Variants in CAMK4 observed in about 807,000 individuals in gnomAD.
CAMK4 encodes calcium/calmodulin-dependent protein kinase type IV.
In CAMK4, 22 loss-of-function variants were observed where a neutral mutation model predicts 44.9. The observed-to-expected ratio is 0.49, with a 90% CI of 0.35 to 0.70. The LOEUF is 0.70. CAMK4 is among the 30% of genes least tolerant of loss of function. The pLI, the probability that CAMK4 is intolerant of heterozygous loss-of-function variation, is 0.01. For synonymous variants in CAMK4, 218 were observed against 215.4 expected (o/e 1.01, Z -0.11); for missense variants, 498 against 586.8 (o/e 0.85, Z 1.56).
chr5:111,324,594 C>G (rs1477736770), intron 1 of CAMK4, among the ~76,000 whole-genome samples: 4 of 151,876 alleles, frequency 2.6e-5, no homozygotes, highest in Non-Finnish European at 5.9e-5. Context: ...AAAATAGATT[C>G]ACAAAGCTAG....
Position 111,491,633 on chromosome 5 carries a change from G to C in CAMK4, c.*7167G>C, listed in dbSNP as rs1404022081. ...AAAAGAAATTTAGAGTATGAATTGA[G>C]TTGGTTGAGAGTAGAATTAAAAAGA... On this transcript the variant is annotated 3_prime_UTR_variant, in exon 11 of 11. Transcript: ENST00000282356. 6.6e-6 allele frequency: 1 copy of C among 152,154 alleles called. No homozygotes were observed. Among genetic ancestry groups the C allele is most frequent in the Admixed American group, 6.5e-5 (1 of 15,272 alleles). The allele number at this position is 152,154 out of a possible 1,614,324, so 9.4% of individuals were successfully genotyped here. A position where few individuals can be genotyped will look rare whatever the true frequency, so the allele number is the denominator to read the frequency against.
intron 1 of CAMK4, among the ~76,000 whole-genome samples, chr5:111,329,067 T>C (rs1417177293): frequency 5.9e-5 from 9 of 151,840 alleles, no homozygotes; most frequent in Admixed American, 5.3e-4. Context: ...GCAAGGCTGG[T>C]TCAACATATG....
rs114647185 is a variant in CAMK4 at position 111,290,802 on chromosome 5, A to G, written c.162-53222A>G. On this transcript the variant is annotated intron_variant, in intron 1 of 10. Coordinates refer to ENST00000282356, the MANE Select transcript of CAMK4 (RefSeq NM_001744.6). This position sits in a 1 kb window ranked among gnomAD's most constrained non-coding sequence, Gnocchi z 4.5. ...AAGGTGTCAAGGGTCCCCTACTAAT[A>G]CCTGGGGAGTAGAAAATCACACGTC... is the stretch of plus-strand genomic sequence containing the variant. Among the ~76,000 whole-genome samples the G allele has an allele frequency of 3.6e-3, 548 of 152,252 alleles. 5 individuals carry two copies. The highest frequency in any genetic ancestry group is 0.013 in the African/African-American group (523 of 41,538).
At chr5:111,409,142 G>A (rs938242444) in intron 5 of CAMK4, among the ~76,000 whole-genome samples, 4 of 152,294 alleles carry the variant, frequency 2.6e-5, no homozygotes, top group East Asian at 1.9e-4. Context: ...GACTTTGTGT[G>A]GGGGCTACAA....
At chr5:111,293,854 C>T (rs888954486) in intron 1 of CAMK4, among the ~76,000 whole-genome samples, 1 of 146,408 alleles carries the variant, frequency 6.8e-6, no homozygotes, top group Non-Finnish European at 1.5e-5. Flanking sequence ...TCATGCCATT[C>T]TCCTGCCTCA....
At chr5:111,380,541 T>C (rs1377338765) in intron 4 of CAMK4, among the ~76,000 whole-genome samples, 1 of 152,142 alleles carries the variant, frequency 6.6e-6, no homozygotes, top group Non-Finnish European at 1.5e-5. Context: ...AAGGCCCCAA[T>C]GTGTGTTTTT....
chr5:111,443,269 T>TAC (rs1753895400), intron 5 of CAMK4, among the ~76,000 whole-genome samples: 3 of 51,208 alleles, frequency 5.9e-5, no homozygotes, highest in African/African-American at 7.4e-5. Context: ...TATATATATA[T>TAC]ATATATATAT....
chr5:111,382,095 A>G (rs1403878651), intron 4 of CAMK4, among the ~76,000 whole-genome samples: 1 of 152,176 alleles, frequency 6.6e-6, no homozygotes, highest in African/African-American at 2.4e-5. Flanking sequence ...TCCATGATGT[A>G]TTGATTGGTC....
intron 1 of CAMK4, among the ~76,000 whole-genome samples, chr5:111,326,967 A>C (rs1216993899): frequency 6.6e-6 from 1 of 151,956 alleles, no homozygotes; most frequent in Non-Finnish European, 1.5e-5. Flanking sequence ...AAAATTCCAA[A>C]ATAGAAAGCT....
At chr5:111,344,291 T>C (rs1232545354) in intron 2 of CAMK4, among the ~76,000 whole-genome samples, 189 bp downstream of exon 2, 1 of 151,694 alleles carries the variant, frequency 6.6e-6, no homozygotes, top group African/African-American at 2.4e-5. Flanking sequence ...TGAAAGCAGC[T>C]GGATCTCAGA....
chr5:111,433,998 A>G (rs981400440), intron 5 of CAMK4, among the ~76,000 whole-genome samples: 2 of 152,188 alleles, frequency 1.3e-5, no homozygotes, highest in African/African-American at 4.8e-5. Flanking sequence ...TGCTTAAAAG[A>G]CAAATGTAAT....
intron 2 of CAMK4, among the ~76,000 whole-genome samples, chr5:111,373,776 T>G (rs1751103285): frequency 6.6e-6 from 1 of 152,186 alleles, no homozygotes; most frequent in African/African-American, 2.4e-5. Context: ...CTCTTGCTAG[T>G]TCAAAGGTTC....
intron 1 of CAMK4, among the ~76,000 whole-genome samples, chr5:111,335,669 C>A (rs1749371348): frequency 6.6e-6 from 1 of 151,316 alleles, no homozygotes; most frequent in African/African-American, 2.4e-5. Flanking sequence ...ATACTTGAAA[C>A]ATATTCAGGA....
At chr5:111,388,656 C>A (rs1278882505) in intron 4 of CAMK4, among the ~76,000 whole-genome samples, 2 of 152,180 alleles carry the variant, frequency 1.3e-5, no homozygotes, top group East Asian at 3.8e-4. Flanking sequence ...ATTTAGCACA[C>A]TGTGTTGAAT....
At chr5:111,455,227 TTAGAGTC>T (rs1754374524) in intron 7 of CAMK4, among the ~76,000 whole-genome samples, 1 of 152,196 alleles carries the variant, frequency 6.6e-6, no homozygotes, top group African/African-American at 2.4e-5. Flanking sequence ...ATCCCTGTAC[TTAGAGTC>T]TGCAGGTGCC....
intron 2 of CAMK4, among the ~76,000 whole-genome samples, chr5:111,364,614 A>G (rs1213963318): frequency 6.6e-6 from 1 of 152,080 alleles, no homozygotes; most frequent in Non-Finnish European, 1.5e-5. Context: ...CAAGTTCTGA[A>G]ATAGAAGTGT....
intron 1 of CAMK4, among the ~76,000 whole-genome samples, chr5:111,343,544 G>A (rs924692902): frequency 4.3e-4 from 66 of 151,834 alleles, no homozygotes; most frequent in African/African-American, 1.4e-3. Context: ...TCCTCTACAC[G>A]TTAAAAAGTA....
chr5:111,249,666 ATGTGTGTG>A lies in CAMK4; in HGVS notation c.161+25054_161+25061del, dbSNP rs3066628. Among the ~76,000 whole-genome samples the A allele has an allele frequency of 8.7e-3, 1,218 of 140,704 alleles. 16 individuals carry two copies. Among genetic ancestry groups the A allele is most frequent in the Middle Eastern group, 7.5e-3 (2 of 268 alleles). 92.3% of individuals were successfully genotyped at this position (140,704 alleles called of 152,430 possible). ...TATATGTGTGTGTGTGTGTATATAT[ATGTGTGTG>A]TGTGTGTGTGTGTGTGTGTGTGTGT... On this transcript the variant is annotated intron_variant, in intron 1 of 10. Coordinates refer to ENST00000282356, the MANE Select transcript of CAMK4 (RefSeq NM_001744.6).
intron 2 of CAMK4, among the ~76,000 whole-genome samples, chr5:111,348,264 A>G (rs1295147351): frequency 1.3e-5 from 2 of 152,056 alleles, no homozygotes; most frequent in Non-Finnish European, 2.9e-5. Flanking sequence ...ATGAGATTCC[A>G]TTAAGTACTC....
Sources: allele counts gnomAD v4.1 joint callset (sites outside exome capture counted in the v4.1 genomes callset), GRCh38; gene constraint gnomAD v4.1.1; non-coding constraint Gnocchi (gnomAD v3.1); transcripts MANE v1.5; gene names NCBI Gene and HGNC (gene_info 2026-07-23, HGNC 2026-07-21).